ROR2: variants seen among roughly 807,000 people sequenced by gnomAD.
The protein encoded by ROR2 is tyrosine-protein kinase transmembrane receptor ROR2.
Under a neutral mutation model 74.9 loss-of-function variants are expected in ROR2, and 33 were observed. The observed-to-expected ratio is 0.44, with a 90% CI of 0.33 to 0.59. ROR2 has a LOEUF of 0.59. Among genes scored for constraint, ROR2 ranks in the 20% least tolerant of loss-of-function variants. The probability of loss-of-function intolerance (pLI) is 0.02; values close to 1 mark genes in which losing one functional copy is unlikely to be tolerated. For missense variants in ROR2, 1,216 were observed against 1,313.8 expected (o/e 0.93, Z 1.15); for synonymous variants, 586 against 558.7 (o/e 1.05, Z -0.69).
chr9:91,831,397 C>T (rs4322068), intron 1 of ROR2, among the ~76,000 whole-genome samples: 2 of 151,906 alleles, frequency 1.3e-5, no homozygotes, highest in Non-Finnish European at 2.9e-5. Flanking sequence ...AGGGACCAGC[C>T]GCGTTTGGTG....
At position 91,726,596 on chromosome 9, in the gene ROR2, A is replaced by C; in HGVS notation, c.1331T>G (p.Leu444Arg). The C allele has an allele frequency of 6.2e-7, 1 of 1,613,842 alleles. No homozygotes were observed. The change falls in exon 8 of 9, where the codon CTG (leucine) becomes CGG (arginine). Residue 444 changes from leucine to arginine, a missense_variant. Coordinates refer to ENST00000375708, the MANE Select transcript of ROR2 (RefSeq NM_004560.4). ...CATGTCTTGGCTGGGCGAGGCCATC[A>C]GCTGTCGCCGCTGCGGTGTGGACGC... Reference protein sequence around the residue: ...ASASTPQRRQLMASPSQDMEM... With the variant: ...ASASTPQRRQRMASPSQDMEM...
At chr9:91,800,354 A>AGAGAG (rs112511834) in intron 1 of ROR2, among the ~76,000 whole-genome samples, 37 of 149,386 alleles carry the variant, frequency 2.5e-4, no homozygotes, top group African/African-American at 8.6e-4. Flanking sequence ...AAAAAAAAAA[A>AGAGAG]AGAGAGAGAG....
At chr9:91,789,002 G>C (rs1826887841) in intron 1 of ROR2, among the ~76,000 whole-genome samples, 1 of 152,136 alleles carries the variant, frequency 6.6e-6, no homozygotes, top group African/African-American at 2.4e-5. Context: ...AAGGATTGGG[G>C]GAGGTCGGTC....
At chr9:91,768,545 GAAC>G (rs1190677115) in intron 2 of ROR2, among the ~76,000 whole-genome samples, 1 of 152,194 alleles carries the variant, frequency 6.6e-6, no homozygotes, top group East Asian at 1.9e-4. Flanking sequence ...GCAGGAGGAA[GAAC>G]AATAGCCACT....
At chr9:91,846,721 CTGCGGTGGTCCCTGAACCTCATT>C (rs1238029386) in intron 1 of ROR2, among the ~76,000 whole-genome samples, 1 of 152,118 alleles carries the variant, frequency 6.6e-6, no homozygotes, top group Non-Finnish European at 1.5e-5. Flanking sequence ...TAAGCACCCT[CTGCGGTGGTCCCTGAACCTCATT>C]TGCGGTGGTC....
At chr9:91,844,422 C>T (rs935214771) in intron 1 of ROR2, among the ~76,000 whole-genome samples, 1 of 152,130 alleles carries the variant, frequency 6.6e-6, no homozygotes, top group Non-Finnish European at 1.5e-5. Context: ...CCAAAGACAC[C>T]GCCTCCTTCG....
rs146296132 is a variant in ROR2, at chr9:91,907,284, A to C, written c.97+42583T>G. Reference sequence around the variant, plus strand: ...ATGCAGCCCCCAGACTCCTCCTCACATTAACAGGCAGGACAGTGCTGATGA... The same window carrying C: ...ATGCAGCCCCCAGACTCCTCCTCACCTTAACAGGCAGGACAGTGCTGATGA... On this transcript the variant is annotated intron_variant, in intron 1 of 8. Coordinates refer to ENST00000375708, the MANE Select transcript of ROR2 (RefSeq NM_004560.4). Among the ~76,000 whole-genome samples, 1,437 of 152,176 alleles carry C rather than the reference A, an allele frequency of 9.4e-3. 9 individuals are homozygous for C. The highest frequency in any genetic ancestry group is 0.016 in the Non-Finnish European group (1,057 of 67,990).
At chr9:91,845,098 C>T (rs1021929218) in intron 1 of ROR2, among the ~76,000 whole-genome samples, 10 of 152,168 alleles carry the variant, frequency 6.6e-5, no homozygotes, top group African/African-American at 2.4e-4. Flanking sequence ...CCCTCCCCAC[C>T]CTACGCCCAA....
At position 91,733,596 on chromosome 9, in the gene ROR2, T is replaced by C. The variant is rs1484928412; in HGVS notation, c.623-160A>G. ...CAACCCCGAGCCCCGCACACCACCC[T>C]GGAGAGGCTCCCCACCAGCAGGCCA... On this transcript the variant is annotated intron_variant, in intron 5 of 8. Transcript: ENST00000375708. The surrounding 1 kb of genome is among the most constrained non-coding windows in gnomAD (Gnocchi z 5.7). Among the ~76,000 whole-genome samples, 1 of 25,938 alleles carries C rather than the reference T, an allele frequency of 3.9e-5. No individual in the cohort carries two copies. The highest frequency in any genetic ancestry group is 1.6e-4 in the African/African-American group (1 of 6,248). 17.0% of individuals were successfully genotyped at this position (25,938 alleles called of 152,430 possible).
intron 2 of ROR2, among the ~76,000 whole-genome samples, chr9:91,760,236 T>A (rs1432926529): frequency 6.6e-6 from 1 of 152,210 alleles, no homozygotes; most frequent in Non-Finnish European, 1.5e-5. Flanking sequence ...CTCTATTCAC[T>A]TCTAACCTTG....
intron 1 of ROR2, among the ~76,000 whole-genome samples, chr9:91,937,542 CCAGA>C (rs926512409): frequency 1.3e-5 from 2 of 152,038 alleles, no homozygotes; most frequent in African/African-American, 4.8e-5. Flanking sequence ...CTGGTCAGAG[CCAGA>C]CAAAGGATTC....
chr9:91,812,166 A>G (rs796890933), intron 1 of ROR2, among the ~76,000 whole-genome samples: 11 of 152,112 alleles, frequency 7.2e-5, no homozygotes, highest in African/African-American at 2.6e-4. Flanking sequence ...GGCTGGACAA[A>G]CTTGGTCTCG....
At chr9:91,941,277 G>A (rs950387868) in intron 1 of ROR2, among the ~76,000 whole-genome samples, 3 of 152,308 alleles carry the variant, frequency 2.0e-5, no homozygotes, top group Non-Finnish European at 4.4e-5. Flanking sequence ...GATTACAGGC[G>A]TGAGCCACCG....
chr9:91,760,481 A>G (rs1355577000), intron 2 of ROR2, among the ~76,000 whole-genome samples: 1 of 152,116 alleles, frequency 6.6e-6, no homozygotes, highest in Non-Finnish European at 1.5e-5. Flanking sequence ...AAAATAAAAA[A>G]AAATTAGCCA....
At chr9:91,844,383 C>T (rs1285859083) in intron 1 of ROR2, among the ~76,000 whole-genome samples, 2 of 152,128 alleles carry the variant, frequency 1.3e-5, no homozygotes, top group Non-Finnish European at 2.9e-5. Context: ...CAGACCAGCG[C>T]TTGTTCCTCG....
chr9:91,737,899 T>C (rs1211695059), intron 4 of ROR2, among the ~76,000 whole-genome samples: 4 of 152,182 alleles, frequency 2.6e-5, no homozygotes, highest in Non-Finnish European at 5.9e-5. Flanking sequence ...ACATACTGTA[T>C]GATTCCAATC....
intron 1 of ROR2, among the ~76,000 whole-genome samples, chr9:91,880,324 A>G (rs1018292406): frequency 2.0e-5 from 3 of 152,202 alleles, no homozygotes; most frequent in Non-Finnish European, 4.4e-5. Flanking sequence ...ATAAATTTCC[A>G]TTGTATAAGC....
At chr9:91,778,196 C>T (rs1826483902) in intron 1 of ROR2, among the ~76,000 whole-genome samples, 1 of 152,248 alleles carries the variant, frequency 6.6e-6, no homozygotes, top group Non-Finnish European at 1.5e-5. Flanking sequence ...GGAACACTTT[C>T]AACTTGGCCA....
chr9:91,815,821 G>A (rs993332879), intron 1 of ROR2, among the ~76,000 whole-genome samples: 4 of 152,180 alleles, frequency 2.6e-5, no homozygotes, highest in African/African-American at 7.2e-5. Flanking sequence ...CAACACAGAT[G>A]TATGGAGATA....
Sources: allele counts gnomAD v4.1 joint callset (sites outside exome capture counted in the v4.1 genomes callset), GRCh38; gene constraint gnomAD v4.1.1; non-coding constraint Gnocchi (gnomAD v3.1); transcripts MANE v1.5; gene names NCBI Gene and HGNC (gene_info 2026-07-23, HGNC 2026-07-21).